RERE: variants seen among roughly 807,000 people sequenced by gnomAD.
RERE encodes arginine-glutamic acid dipeptide repeats, also known as arginine-glutamic acid dipeptide repeats protein.
In RERE, 40 loss-of-function variants were observed where a neutral mutation model predicts 146.1. The ratio of observed to expected loss-of-function variants is 0.27; its 90% CI spans 0.21 to 0.36. RERE has a LOEUF of 0.36. Among genes scored for constraint, RERE ranks in the 10% least tolerant of loss-of-function variants. The probability of loss-of-function intolerance (pLI) is 1.00; values close to 1 mark genes in which losing one functional copy is unlikely to be tolerated. For synonymous variants in RERE, 1,003 were observed against 866.0 expected (o/e 1.16, Z -2.78); for missense variants, 1,933 against 2,138.7 (o/e 0.90, Z 1.90).
intron 12 of RERE, among the ~76,000 whole-genome samples, chr1:8,415,454 T>A (rs1418575778): frequency 6.6e-6 from 1 of 152,222 alleles, no homozygotes; most frequent in Non-Finnish European, 1.5e-5. Context: ...GCCCCAAGCA[T>A]ACTTCATTTG....
At chr1:8,815,829 T>TTGTGTGTGTG (rs539845789) in intron 1 of RERE, among the ~76,000 whole-genome samples, 4,105 of 149,900 alleles carry the variant, frequency 0.027, 73 homozygotes, top group Middle Eastern at 0.044. Context: ...CAGCTTGGTA[T>TTGTGTGTGTG]TGTGTGTGTG....
chr1:8,610,312 C>T (rs571328153), intron 4 of RERE, among the ~76,000 whole-genome samples: 5 of 152,112 alleles, frequency 3.3e-5, no homozygotes, highest in Non-Finnish European at 2.9e-5. Flanking sequence ...GAATTTGGGC[C>T]GGGCACAGTG....
intron 12 of RERE, among the ~76,000 whole-genome samples, chr1:8,406,443 A>AT (rs1275947996): frequency 3.9e-5 from 6 of 152,160 alleles, no homozygotes; most frequent in African/African-American, 1.4e-4. Context: ...TTAGGAATAA[A>AT]GGGGCAACAG....
intron 1 of RERE, among the ~76,000 whole-genome samples, chr1:8,761,122 G>A (rs1451175359): frequency 2.0e-5 from 3 of 152,114 alleles, no homozygotes; most frequent in African/African-American, 7.2e-5. Flanking sequence ...TTACCAAAAT[G>A]AGAATCAAAA....
At chr1:8,404,325 G>A (rs555356050) in intron 12 of RERE, among the ~76,000 whole-genome samples, 11 of 152,240 alleles carry the variant, frequency 7.2e-5, no homozygotes, top group South Asian at 6.2e-4. Context: ...GGCTGAGGCA[G>A]GAGAATGGCA....
At chr1:8,505,814 A>G (rs547194172) in intron 8 of RERE, among the ~76,000 whole-genome samples, 17 of 152,360 alleles carry the variant, frequency 1.1e-4, no homozygotes, top group African/African-American at 3.8e-4. Context: ...TACAGGCGTG[A>G]GCCAAAAGTC....
chr1:8,471,060 C>T (rs1644677762), intron 10 of RERE, among the ~76,000 whole-genome samples: 1 of 151,764 alleles, frequency 6.6e-6, no homozygotes, highest in Non-Finnish European at 1.5e-5. Flanking sequence ...CATGATCCCC[C>T]CCTGCCTCAG....
Position 8,364,868 on chromosome 1 carries a change from G to A in RERE, c.1448-30C>T, listed in dbSNP as rs1373184476. 6.8e-6 allele frequency: 10 copies of A among 1,469,818 alleles called. No individual in the cohort carries two copies. Among genetic ancestry groups the A allele is most frequent in the African/African-American group, 2.8e-5 (2 of 71,746 alleles). The allele number at this position is 1,469,818 out of a possible 1,614,324, so 91.0% of individuals were successfully genotyped here. A position where few individuals can be genotyped will look rare whatever the true frequency, so the allele number is the denominator to read the frequency against. On this transcript the variant is annotated intron_variant, in intron 13 of 22. Transcript: ENST00000400908. The surrounding 1 kb of genome is among the most constrained non-coding windows in gnomAD (Gnocchi z 5.1). Reference sequence around the variant, plus strand: ...GCGTGGCAGGCACATAGTGGGGGTGGGGGAGACACCATCATGCTCAGCCAA... The same window carrying A: ...GCGTGGCAGGCACATAGTGGGGGTGAGGGAGACACCATCATGCTCAGCCAA...
At chr1:8,786,557 C>A (rs533368286) in intron 1 of RERE, 6 of 775,658 alleles carry the variant, frequency 7.7e-6, no homozygotes, top group African/African-American at 1.7e-5. Flanking sequence ...TTAACTGAAG[C>A]CTTGTTGAGC....
At chr1:8,605,745 C>CAAAAAAAAAAAAAAAAAAAAAAA (rs564574812) in intron 4 of RERE, among the ~76,000 whole-genome samples, 3 of 64,534 alleles carry the variant, frequency 4.6e-5, no homozygotes, top group African/African-American at 1.8e-4. Context: ...ACCCCATCTC[C>CAAAAAAAAAAAAAAAAAAAAAAA]AAAAAAAAAA....
intron 15 of RERE, 142 bp from the exon 16 acceptor site, chr1:8,362,986 GCCCT>G: frequency 2.3e-6 from 2 of 867,012 alleles, no homozygotes; most frequent in Non-Finnish European, 3.5e-6. Context: ...ACAACAGGCC[GCCCT>G]GCCTGTCCCT....
Position 8,465,954 on chromosome 1 carries a change from T to C in RERE, c.1174A>G (p.Ile392Val), listed in dbSNP as rs1219467990. 5.0e-6 allele frequency: 8 copies of C among 1,614,162 alleles called. No homozygotes were observed. The highest frequency in any genetic ancestry group is 2.2e-5 in the East Asian group (1 of 44,882). ...RLVKKPVPKL[I>V]EKCWTEDEVK... Reference sequence around the variant, plus strand: ...TCGTCCTCGGTCCAGCACTTCTCGATGAGCTTGGGCACAGGCTTCTTCACC... The same window carrying C: ...TCGTCCTCGGTCCAGCACTTCTCGACGAGCTTGGGCACAGGCTTCTTCACC... The change falls in exon 11 of 23, where the codon ATC (isoleucine) becomes GTC (valine). Residue 392 changes from isoleucine (I) to valine (V), a missense_variant. This residue lies in a region of RERE where 260 missense variants were observed against 378.4 expected (regional missense o/e 0.69). Coordinates refer to ENST00000400908, the MANE Select transcript of RERE (RefSeq NM_001042681.2).
chr1:8,410,640 A>G (rs901851972), intron 12 of RERE, among the ~76,000 whole-genome samples: 1 of 152,214 alleles, frequency 6.6e-6, no homozygotes, highest in African/African-American at 2.4e-5. Flanking sequence ...ACAGACAAGA[A>G]AGCTACTTCA....
At chr1:8,711,516 C>A (rs1639667761) in intron 1 of RERE, among the ~76,000 whole-genome samples, 1 of 152,096 alleles carries the variant, frequency 6.6e-6, no homozygotes, top group South Asian at 2.1e-4. Flanking sequence ...CTGTGCAGAT[C>A]AAATTATTAA....
At chr1:8,678,844 C>T (rs1638902973) in intron 1 of RERE, among the ~76,000 whole-genome samples, 1 of 152,110 alleles carries the variant, frequency 6.6e-6, no homozygotes, top group Admixed American at 6.5e-5. Context: ...AATGTCTAGA[C>T]ATAAGAGAAT....
At chr1:8,478,447 A>G (rs912595908) in intron 10 of RERE, among the ~76,000 whole-genome samples, 1 of 152,226 alleles carries the variant, frequency 6.6e-6, no homozygotes, top group Non-Finnish European at 1.5e-5. Flanking sequence ...CAGTGGCTGG[A>G]ATACACAGCC....
intron 2 of RERE, among the ~76,000 whole-genome samples, chr1:8,625,462 A>G (rs1646963731): frequency 6.6e-6 from 1 of 152,146 alleles, no homozygotes; most frequent in Non-Finnish European, 1.5e-5. Context: ...TAGTGACCAC[A>G]ATGCCTCATT....
chr1:8,740,662 A>G (rs1640289342), intron 1 of RERE, among the ~76,000 whole-genome samples: 1 of 152,108 alleles, frequency 6.6e-6, no homozygotes, highest in African/African-American at 2.4e-5. Flanking sequence ...CTATTTTTAA[A>G]TTTTTTAACT....
At chr1:8,676,429 T>A (rs571848542) in intron 1 of RERE, among the ~76,000 whole-genome samples, 3 of 151,790 alleles carry the variant, frequency 2.0e-5, no homozygotes, top group Admixed American at 6.6e-5. Context: ...CATTCTTAAA[T>A]GGCAAGCTGA....
Sources: gnomAD v4.1 joint callset for allele counts (sites outside exome capture counted in the v4.1 genomes callset) on GRCh38, gnomAD v4.1.1 for gene constraint, gnomAD v4.1.1 regional missense constraint, Gnocchi (gnomAD v3.1) non-coding constraint, MANE v1.5 for transcripts, NCBI Gene and HGNC (gene_info 2026-07-23, HGNC 2026-07-21) for gene names.